Variants in SH3BP5 observed in about 807,000 individuals in gnomAD.
The protein encoded by SH3BP5 is SH3 domain-binding protein 5.
Under a neutral mutation model 43.3 loss-of-function variants are expected in SH3BP5, and 22 were observed. That is an observed-to-expected ratio of 0.51 (90% confidence interval 0.36 to 0.73). The LOEUF is 0.73. Among genes scored for constraint, SH3BP5 ranks in the 30% least tolerant of loss-of-function variants. The pLI, the probability that SH3BP5 is intolerant of heterozygous loss-of-function variation, is 0.00. For synonymous variants in SH3BP5, 255 were observed against 225.8 expected (o/e 1.13, Z -1.16); for missense variants, 529 against 586.9 (o/e 0.90, Z 1.02).
chr3:15,304,383 A>G (rs1187174991), intron 2 of SH3BP5, 152 bp from the exon 3 acceptor site: 1 of 1,178,622 alleles, frequency 8.5e-7, no homozygotes, highest in Non-Finnish European at 1.2e-6. Flanking sequence ...CTAGAGCAGC[A>G]CCGCCCAAAA....
chr3:15,264,507 T>C (rs995304206), intron 4 of SH3BP5: 2 of 152,216 alleles, frequency 1.3e-5, no homozygotes, highest in Admixed American at 6.5e-5. Flanking sequence ...TATATTTGTA[T>C]CCCAATTATG....
chr3:15,293,027 T>G (rs1697457730), intron 3 of SH3BP5, among the ~76,000 whole-genome samples: 1 of 152,250 alleles, frequency 6.6e-6, no homozygotes, highest in Admixed American at 6.5e-5. Context: ...ATCTCCTTCC[T>G]GACCCCATCC....
chr3:15,313,088 T>TA (rs918784052), intron 2 of SH3BP5, among the ~76,000 whole-genome samples: 7 of 150,810 alleles, frequency 4.6e-5, no homozygotes, highest in Admixed American at 1.3e-4. Flanking sequence ...TACTAAAAAA[T>TA]AAAAAAAATA....
chr3:15,296,368 A>ACACC (rs1329194102), intron 3 of SH3BP5, among the ~76,000 whole-genome samples: 4 of 150,372 alleles, frequency 2.7e-5, no homozygotes, highest in East Asian at 3.9e-4. Context: ...ACACACACAC[A>ACACC]CCCCTATCCA....
chr3:15,340,072 A>G (rs775352764), intron 1 of SH3BP5, among the ~76,000 whole-genome samples: 8 of 152,164 alleles, frequency 5.3e-5, no homozygotes, highest in Non-Finnish European at 1.2e-4. Flanking sequence ...GTTAACCAAG[A>G]ACAAATCATC....
chr3:15,315,722 T>C (rs574760695), intron 2 of SH3BP5, among the ~76,000 whole-genome samples: 5 of 152,318 alleles, frequency 3.3e-5, no homozygotes, highest in South Asian at 4.1e-4. Context: ...TCCTAGAACA[T>C]TGCAGCCCTC....
intron 3 of SH3BP5, among the ~76,000 whole-genome samples, chr3:15,275,492 C>T (rs1349540153): frequency 6.6e-6 from 1 of 152,178 alleles, no homozygotes; most frequent in Non-Finnish European, 1.5e-5. Flanking sequence ...TTGAATAGGG[C>T]TCTATGCTCT....
Position 15,330,495 on chromosome 3 carries a change from T to C in SH3BP5, c.201+9A>G. On this transcript the variant is annotated intron_variant, in intron 2 of 8. Coordinates refer to ENST00000383791, the MANE Select transcript of SH3BP5 (RefSeq NM_004844.5). ...ACTTCACCAAGAACAGGAACTCAGC[T>C]CTCTGTACCTCAAGTTCAGTCTCCC... The C allele has an allele frequency of 1.9e-6, 3 of 1,610,332 alleles. No individual in the cohort carries two copies. Among genetic ancestry groups the C allele is most frequent in the Non-Finnish European group, 2.5e-6 (3 of 1,176,816 alleles).
intron 4 of SH3BP5, among the ~76,000 whole-genome samples, chr3:15,265,092 C>T (rs9310472): frequency 0.056 from 8,472 of 151,942 alleles, 555 homozygotes; most frequent in African/African-American, 0.15. Flanking sequence ...TGGAAAGCTC[C>T]GAGCCCATGG....
At chr3:15,262,078 G>A in intron 5 of SH3BP5, 81 bp downstream of exon 5, 1 of 1,542,566 alleles carries the variant, frequency 6.5e-7, no homozygotes, top group Non-Finnish European at 8.9e-7. Context: ...GGTGGTCCTT[G>A]AGTGTGTGAC....
intron 3 of SH3BP5, among the ~76,000 whole-genome samples, chr3:15,277,947 C>T (rs1241754152): frequency 6.6e-6 from 1 of 152,108 alleles, no homozygotes; most frequent in Admixed American, 6.5e-5. Flanking sequence ...CAGCCCAGGG[C>T]GAAGCAGGCT....
intron 8 of SH3BP5, 134 bp downstream of exon 8, chr3:15,256,719 C>T: frequency 9.3e-7 from 1 of 1,072,516 alleles, no homozygotes; most frequent in South Asian, 1.7e-5. Context: ...GTGATCAATA[C>T]TGACAGCACA....
At chr3:15,281,349 A>T (rs1030586949) in intron 3 of SH3BP5, among the ~76,000 whole-genome samples, 4 of 152,170 alleles carry the variant, frequency 2.6e-5, no homozygotes, top group Non-Finnish European at 4.4e-5. Context: ...GGCCACTATG[A>T]GGCCATGGTC....
At chr3:15,284,163 T>C (rs1372689204) in intron 3 of SH3BP5, among the ~76,000 whole-genome samples, 1 of 152,190 alleles carries the variant, frequency 6.6e-6, no homozygotes, top group African/African-American at 2.4e-5. Flanking sequence ...TAAGCTTCAC[T>C]GAAGCTTACA....
chr3:15,259,459 G>A (rs773296175), intron 6 of SH3BP5: 10 of 537,772 alleles, frequency 1.9e-5, no homozygotes, highest in Middle Eastern at 5.1e-4. Flanking sequence ...TAATTCAGTC[G>A]GTCTAGAGTG....
chr3:15,265,544 A>ACACACACACACACACAC (rs1553613895), intron 4 of SH3BP5, among the ~76,000 whole-genome samples: 7 of 142,810 alleles, frequency 4.9e-5, no homozygotes, highest in African/African-American at 1.5e-4. Context: ...ACACACACAC[A>ACACACACACACACACAC]CACACACACA....
intron 7 of SH3BP5, chr3:15,257,737 C>T (rs1296503974): frequency 6.6e-6 from 1 of 152,294 alleles, no homozygotes; most frequent in Non-Finnish European, 1.5e-5. Context: ...GGCCCAGACA[C>T]ATGTTATTCC....
intron 6 of SH3BP5, chr3:15,259,529 T>C: frequency 1.6e-6 from 1 of 612,414 alleles, no homozygotes; most frequent in East Asian, 2.8e-5. Flanking sequence ...GAGCATGCTG[T>C]GAGAACCACT....
At chr3:15,291,687 G>C (rs1172589365) in intron 3 of SH3BP5, among the ~76,000 whole-genome samples, 1 of 152,114 alleles carries the variant, frequency 6.6e-6, no homozygotes, top group African/African-American at 2.4e-5. Context: ...CACATGTGCA[G>C]AGGTTCCCAC....
Sources: allele counts gnomAD v4.1 joint callset (sites outside exome capture counted in the v4.1 genomes callset), GRCh38; gene constraint gnomAD v4.1.1; transcripts MANE v1.5; gene names NCBI Gene and HGNC (gene_info 2026-07-23, HGNC 2026-07-21).